SLC25A29: variants seen among roughly 807,000 people sequenced by gnomAD.
SLC25A29 encodes mitochondrial basic amino acids transporter.
Under a neutral mutation model 10.0 loss-of-function variants are expected in SLC25A29, and 13 were observed. The ratio of observed to expected loss-of-function variants is 1.30; its 90% confidence interval spans 0.85 to 2.07. The LOEUF (loss-of-function observed/expected upper bound fraction) is 2.07. Among genes scored for constraint, SLC25A29 ranks in the 30% most tolerant of loss-of-function variants. The pLI, the probability that SLC25A29 is intolerant of heterozygous loss-of-function variation, is 0.00. For synonymous variants in SLC25A29, 244 were observed against 221.1 expected, an observed-to-expected ratio of 1.10 and a Z score of -0.92; for missense variants, 475 against 447.6, an observed-to-expected ratio of 1.06 and a Z score of -0.55.
At chr14:100,281,061 C>CAAAAAAAAAAA in the SLC25A29 span, 1 of 100,882 alleles carries the variant, frequency 9.9e-6, no homozygotes, top group African/African-American at 4.9e-5. Flanking sequence ...CTCCGTCTCC[C>CAAAAAAAAAAA]AAAAAAAAAA....
In SLC25A29 at chr14:100,292,385, C is replaced by A. The variant is rs891085768; in HGVS notation, c.810G>T (p.Thr270=). Residue 270 remains threonine (T), a synonymous_variant, in exon 4 of 4, where the codon ACG becomes ACT. Transcript: ENST00000359232. ...CGCCGCGCGCGTAGGTGAGCACCAC[C>A]GTGACGGTGGCGAAGGTGGCAGCGT... ...PVNAATFATV[T]VVLTYARGEE... 3 of 1,561,104 alleles carry A rather than the reference C, an allele frequency of 1.9e-6. No individual in the cohort carries two copies. The highest frequency in any genetic ancestry group is 2.3e-5 in the East Asian group (1 of 42,610).
intron 1 of SLC25A29, among the ~76,000 whole-genome samples, chr14:100,300,931 G>A (rs1003067179): frequency 2.4e-4 from 36 of 151,516 alleles, no homozygotes; most frequent in Non-Finnish European, 7.4e-5. Flanking sequence ...ACAGAGTCTC[G>A]CTCTGTCGCC....
At chr14:100,297,215 ATCT>A (rs1343019753) in intron 2 of SLC25A29, among the ~76,000 whole-genome samples, 1 of 152,194 alleles carries the variant, frequency 6.6e-6, no homozygotes, top group Non-Finnish European at 1.5e-5. Context: ...TCACATATAG[ATCT>A]TCTCAAAGAC....
At chr14:100,299,910 G>A in intron 1 of SLC25A29, 2 of 985,414 alleles carry the variant, frequency 2.0e-6, no homozygotes, top group Non-Finnish European at 2.4e-6. Flanking sequence ...TGATGCCTGT[G>A]GAAGTTACTA....
chr14:100,299,176 G>A (rs1214155765), intron 1 of SLC25A29: 4 of 1,308,714 alleles, frequency 3.1e-6, no homozygotes, highest in Non-Finnish European at 3.9e-6. Context: ...CTGGGTGGCT[G>A]ACAGCAGAAG....
chr14:100,289,184 T>C (rs965544949), downstream of SLC25A29, among the ~76,000 whole-genome samples: 2 of 152,236 alleles, frequency 1.3e-5, no homozygotes. Flanking sequence ...GCAGCTGGAG[T>C]GTGGCCTTCA....
chr14:100,296,021 G>C (rs1411951388), intron 2 of SLC25A29: 5 of 1,287,456 alleles, frequency 3.9e-6, no homozygotes, highest in Non-Finnish European at 4.1e-6. Context: ...GACTGTCCCA[G>C]CCATGAGATA....
chr14:100,295,471 G>T, intron 2 of SLC25A29: 1 of 800,200 alleles, frequency 1.2e-6, no homozygotes, highest in Non-Finnish European at 1.7e-6. Context: ...GATTTTTTTT[G>T]GCCAGCCCGA....
intron 1 of SLC25A29, among the ~76,000 whole-genome samples, chr14:100,303,729 C>G (rs1892717408): frequency 6.6e-6 from 1 of 151,066 alleles, no homozygotes; most frequent in South Asian, 2.1e-4. Flanking sequence ...AGCCTACTGT[C>G]TACTGTCCTC....
the SLC25A29 span, among the ~76,000 whole-genome samples, chr14:100,284,565 A>G: frequency 1.3e-5 from 2 of 151,960 alleles, no homozygotes; most frequent in Non-Finnish European, 2.9e-5. Context: ...CTAATGGATC[A>G]CCTCTTGTCC....
chr14:100,305,874 G>A (rs1311728549), intron 1 of SLC25A29: 1 of 309,664 alleles, frequency 3.2e-6, no homozygotes, highest in Non-Finnish European at 5.9e-6. Flanking sequence ...AGGGGAAGGA[G>A]ATGAGCCCGG....
At chr14:100,296,306 G>A (rs938411483) in intron 2 of SLC25A29, 21 of 287,896 alleles carry the variant, frequency 7.3e-5, no homozygotes, top group African/African-American at 4.4e-4. Context: ...GTGTGTGCCT[G>A]TAGTTTCAGC....
chr14:100,302,549 G>GTTTC (rs924792258), intron 1 of SLC25A29, among the ~76,000 whole-genome samples: 26 of 151,798 alleles, frequency 1.7e-4, no homozygotes, highest in Middle Eastern at 3.4e-3. Context: ...TAGAAATGGG[G>GTTTC]TTTCACCATG....
At chr14:100,301,817 C>T (rs1477428163) in intron 1 of SLC25A29, among the ~76,000 whole-genome samples, 1 of 151,638 alleles carries the variant, frequency 6.6e-6, no homozygotes. Context: ...GCACTTCCTG[C>T]TTCTAATACG....
At chr14:100,298,418 C>A (rs905414654) in intron 2 of SLC25A29, among the ~76,000 whole-genome samples, 1 of 152,156 alleles carries the variant, frequency 6.6e-6, no homozygotes, top group Non-Finnish European at 1.5e-5. Context: ...GCCTCTGGCA[C>A]GTGGGAAACC....
the SLC25A29 span, among the ~76,000 whole-genome samples, chr14:100,284,549 C>T: frequency 6.6e-6 from 1 of 152,228 alleles, no homozygotes; most frequent in Non-Finnish European, 1.5e-5. Context: ...CATTTTTCAG[C>T]CTTTCCTAAT....
At chr14:100,305,034 CCT>C (rs1477047489) in intron 1 of SLC25A29, 1 of 152,174 alleles carries the variant, frequency 6.6e-6, no homozygotes, top group Non-Finnish European at 1.5e-5. Context: ...GGACACGCCC[CCT>C]CTGTCTCCAG....
At chr14:100,298,994 G>T in intron 1 of SLC25A29, 109 bp from the exon 2 acceptor site, 1 of 1,524,064 alleles carries the variant, frequency 6.6e-7, no homozygotes, top group Non-Finnish European at 8.8e-7. Flanking sequence ...TGCTGCCGGG[G>T]AAAGGACATT....
chr14:100,278,719 C>G, the SLC25A29 span: 1 of 152,260 alleles, frequency 6.6e-6, no homozygotes, highest in Admixed American at 6.5e-5. Context: ...TCAGAACACC[C>G]CAGGCCAGGT....
Sources: allele counts gnomAD v4.1 joint callset (sites outside exome capture counted in the v4.1 genomes callset), GRCh38; gene constraint gnomAD v4.1.1; transcripts MANE v1.5; gene names NCBI Gene and HGNC (gene_info 2026-07-23, HGNC 2026-07-21).